The following VTI1A variants were observed in gnomAD, a reference collection of about 807,000 sequenced individuals.
VTI1A encodes the protein vesicle transport through interaction with t-SNAREs homolog 1A.
Under a neutral mutation model 34.9 loss-of-function variants are expected in VTI1A, and 22 were observed. The ratio of observed to expected loss-of-function variants is 0.63; its 90% CI spans 0.45 to 0.90. VTI1A has a LOEUF of 0.90. Ranked by LOEUF, VTI1A falls within the 40% of genes least tolerant of loss-of-function variation. The probability of loss-of-function intolerance (pLI) is 0.00; values close to 1 mark genes in which losing one functional copy is unlikely to be tolerated. For missense variants in VTI1A, 268 were observed against 275.6 expected, an observed-to-expected ratio of 0.97 and a Z score of 0.20; for synonymous variants, 87 against 97.3, an observed-to-expected ratio of 0.89 and a Z score of 0.62.
chr10:112,747,023 A>C (rs1379289235), intron 7 of VTI1A, among the ~76,000 whole-genome samples: 1 of 152,220 alleles, frequency 6.6e-6, no homozygotes, highest in Non-Finnish European at 1.5e-5. Context: ...TCACTTACCC[A>C]GCGCAGTCAC....
At chr10:112,737,957 C>T in intron 7 of VTI1A, 4 of 938,548 alleles carry the variant, frequency 4.3e-6, no homozygotes, top group Non-Finnish European at 5.1e-6. Flanking sequence ...GGCGGGGATG[C>T]TTAGGGCCTC....
intron 5 of VTI1A, among the ~76,000 whole-genome samples, chr10:112,660,809 T>C (rs1013867349): frequency 6.6e-6 from 1 of 152,174 alleles, no homozygotes; most frequent in Non-Finnish European, 1.5e-5. Context: ...TAAATAAATA[T>C]GCTACTTTAC....
intron 4 of VTI1A, among the ~76,000 whole-genome samples, chr10:112,530,102 G>A (rs1850367366): frequency 6.6e-6 from 1 of 151,930 alleles, no homozygotes; most frequent in Admixed American, 6.5e-5. Context: ...AATACCCTTT[G>A]CATTTAATTC....
intron 7 of VTI1A, among the ~76,000 whole-genome samples, chr10:112,686,153 A>C (rs573080263): frequency 1.3e-5 from 2 of 152,334 alleles, no homozygotes; most frequent in South Asian, 4.2e-4. Context: ...CTTATAAGAG[A>C]GATTGCATCT....
rs531237822 is a variant in VTI1A at position 112,701,150 on chromosome 10, A to G, written c.560+32152A>G. Among the ~76,000 whole-genome samples the G allele has an allele frequency of 3.9e-5, 6 of 152,356 alleles. No homozygotes were observed. The East Asian group carries it at 1.2e-3, about 29-fold the overall frequency. The stretch of plus-strand genomic sequence containing the variant: ...TGGCATTTTTCATAATTGTATGTTA[A>G]TAACTCCAGCTATTTTTGTAGCTGG... On this transcript the variant is annotated intron_variant, in intron 7 of 7. Transcript: ENST00000393077.
intron 1 of VTI1A, among the ~76,000 whole-genome samples, chr10:112,454,117 C>A (rs1050434323): frequency 2.6e-5 from 4 of 152,124 alleles, no homozygotes; most frequent in Non-Finnish European, 5.9e-5. Context: ...ATTATCTGTT[C>A]CTCTCTTAGT....
intron 7 of VTI1A, among the ~76,000 whole-genome samples, chr10:112,781,261 A>G (rs1852117222): frequency 6.6e-6 from 1 of 151,984 alleles, no homozygotes; most frequent in South Asian, 2.1e-4. Context: ...TTAATTCAAC[A>G]TCATTACCAC....
chr10:112,847,745 C>A, the VTI1A span, among the ~76,000 whole-genome samples: 1 of 152,310 alleles, frequency 6.6e-6, no homozygotes, highest in South Asian at 2.1e-4. Flanking sequence ...CAGCACCCAC[C>A]ATTCACCATG....
intron 5 of VTI1A, among the ~76,000 whole-genome samples, chr10:112,666,031 A>G (rs1467110951): frequency 6.6e-6 from 1 of 152,214 alleles, no homozygotes; most frequent in Non-Finnish European, 1.5e-5. Flanking sequence ...TATAATTGCT[A>G]TATTATGTTG....
chr10:112,676,789 A>G (rs1848046904), intron 7 of VTI1A, among the ~76,000 whole-genome samples: 3 of 152,280 alleles, frequency 2.0e-5, no homozygotes, highest in Admixed American at 6.5e-5. Flanking sequence ...GGCCATAAAT[A>G]TATCAACTCA....
rs1337352165 is a variant in VTI1A, at chr10:112,818,563, G to T, written c.*3180G>T. 9.0e-6 allele frequency: 2 copies of T among 223,248 alleles called. No homozygotes were observed. The highest frequency in any genetic ancestry group is 4.5e-5 in the African/African-American group (2 of 44,776). The allele number at this position is 223,248 out of a possible 1,614,324, so 13.8% of individuals were successfully genotyped here. The stretch of plus-strand genomic sequence containing the variant: ...TTTGAAGTTGTAATGGTGTCAAAAA[G>T]TCACGACTGACTGACAGCCGTCAGT... On this transcript the variant is annotated 3_prime_UTR_variant, in exon 8 of 8. Coordinates refer to ENST00000393077, the MANE Select transcript of VTI1A (RefSeq NM_145206.4).
intron 3 of VTI1A, among the ~76,000 whole-genome samples, chr10:112,490,300 T>C (rs1848775355): frequency 6.6e-6 from 1 of 152,254 alleles, no homozygotes; most frequent in Admixed American, 6.5e-5. Context: ...GGTGATTAAA[T>C]AGCCATCTCC....
chr10:112,581,730 G>A (rs963145523), intron 5 of VTI1A, among the ~76,000 whole-genome samples: 5 of 152,072 alleles, frequency 3.3e-5, no homozygotes, highest in African/African-American at 4.8e-5. Flanking sequence ...TTCCTGATGC[G>A]TCTTCATCAA....
intron 7 of VTI1A, among the ~76,000 whole-genome samples, chr10:112,768,055 G>T (rs1258849509): frequency 6.6e-6 from 1 of 152,288 alleles, no homozygotes; most frequent in Non-Finnish European, 1.5e-5. Context: ...ACCAAGCCAG[G>T]CTTCCCTCAA....
intron 3 of VTI1A, among the ~76,000 whole-genome samples, chr10:112,503,457 A>T (rs1849314452): frequency 6.6e-6 from 1 of 152,228 alleles, no homozygotes; most frequent in Admixed American, 6.5e-5. Context: ...TCTGAAAGAA[A>T]GCAAACAAAT....
chr10:112,848,468 C>A, the VTI1A span, among the ~76,000 whole-genome samples: 2 of 152,148 alleles, frequency 1.3e-5, no homozygotes, highest in African/African-American at 4.8e-5. Context: ...CCTGGTCAGA[C>A]CTTGGAGAGC....
At chr10:112,563,916 A>G (rs1378048595) in intron 5 of VTI1A, among the ~76,000 whole-genome samples, 1 of 152,156 alleles carries the variant, frequency 6.6e-6, no homozygotes, top group African/African-American at 2.4e-5. Flanking sequence ...AAGGTATAGC[A>G]TATTACTTCA....
In VTI1A at chr10:112,630,604, A is replaced by G. The variant is rs182703210; in HGVS notation, c.428-37614A>G. On this transcript the variant is annotated intron_variant, in intron 5 of 7. Transcript: ENST00000393077. The stretch of plus-strand genomic sequence containing the variant: ...TATAGTATTAAGTGGTGGAGTCAGG[A>G]TTTGAACCTCTATTCACTTGATTCT... Among the ~76,000 whole-genome samples the G allele has an allele frequency of 3.0e-3, 459 of 152,320 alleles. 2 individuals are homozygous for G. Among genetic ancestry groups the G allele is most frequent in the Non-Finnish European group, 4.9e-3 (330 of 68,020 alleles).
At chr10:112,459,143 A>G (rs1462564197) in intron 1 of VTI1A, among the ~76,000 whole-genome samples, 2 of 152,212 alleles carry the variant, frequency 1.3e-5, no homozygotes, top group East Asian at 3.9e-4. Context: ...AAAGAACAAG[A>G]AAGTTGTTGG....
Sources: gnomAD v4.1 joint callset for allele counts (sites outside exome capture counted in the v4.1 genomes callset) on GRCh38, gnomAD v4.1.1 for gene constraint, MANE v1.5 for transcripts, NCBI Gene and HGNC (gene_info 2026-07-23, HGNC 2026-07-21) for gene names.